Variants in SCFD2 observed in about 807,000 individuals in gnomAD.
The protein encoded by SCFD2 is sec1 family domain-containing protein 2.
SCFD2 carries 54 observed loss-of-function variants against 58.9 expected under a neutral mutation model. The ratio of observed to expected loss-of-function variants is 0.92; its 90% confidence interval spans 0.74 to 1.15. The LOEUF (loss-of-function observed/expected upper bound fraction) is 1.15. Among genes scored for constraint, SCFD2 ranks in the 50% most tolerant of loss-of-function variants. The pLI, the probability that SCFD2 is intolerant of heterozygous loss-of-function variation, is 0.00. For missense variants in SCFD2, 805 were observed against 836.6 expected (o/e 0.96, Z 0.47); for synonymous variants, 321 against 335.9 (o/e 0.96, Z 0.49).
At chr4:52,875,802 C>A (rs1408121575) in intron 8 of SCFD2, among the ~76,000 whole-genome samples, 9 of 61,280 alleles carry the variant, frequency 1.5e-4, no homozygotes, top group Admixed American at 6.4e-4. Context: ...TTATCTTTAA[C>A]TATATATATA....
At chr4:53,292,094 C>A (rs1461026898) in intron 3 of SCFD2, among the ~76,000 whole-genome samples, 3 of 151,612 alleles carry the variant, frequency 2.0e-5, no homozygotes, top group Non-Finnish European at 4.4e-5. Flanking sequence ...ACTATAAAAA[C>A]CCTAGAAGAA....
chr4:53,111,013 A>G (rs1289857205), intron 5 of SCFD2, among the ~76,000 whole-genome samples: 3 of 152,250 alleles, frequency 2.0e-5, no homozygotes, highest in Non-Finnish European at 2.9e-5. Context: ...AGCCATAAAA[A>G]GGATGAGTTC....
At chr4:53,210,708 A>G (rs1479806505) in intron 4 of SCFD2, among the ~76,000 whole-genome samples, 1 of 151,938 alleles carries the variant, frequency 6.6e-6, no homozygotes, top group Non-Finnish European at 1.5e-5. Flanking sequence ...ATTATGACAG[A>G]TATTGATTTT....
intron 7 of SCFD2, among the ~76,000 whole-genome samples, chr4:52,893,589 C>A (rs1718929901): frequency 6.6e-6 from 1 of 152,180 alleles, no homozygotes; most frequent in African/African-American, 2.4e-5. Flanking sequence ...AGGAAAGGCT[C>A]CTAGCATCCA....
At chr4:52,995,123 AAATAACTAT>A (rs1721713068) in intron 5 of SCFD2, among the ~76,000 whole-genome samples, 1 of 152,188 alleles carries the variant, frequency 6.6e-6, no homozygotes, top group Non-Finnish European at 1.5e-5. Flanking sequence ...ATATATAAGG[AAATAACTAT>A]ATAACTTACC....
chr4:53,314,963 C>T (rs1732811508), intron 2 of SCFD2, among the ~76,000 whole-genome samples: 2 of 152,116 alleles, frequency 1.3e-5, no homozygotes, highest in Non-Finnish European at 2.9e-5. Context: ...AGGTAAACTA[C>T]ATGCCAAGCC....
At chr4:53,004,559 C>T (rs368409668) in intron 5 of SCFD2, among the ~76,000 whole-genome samples, 5 of 152,092 alleles carry the variant, frequency 3.3e-5, no homozygotes, top group Non-Finnish European at 7.4e-5. Context: ...AACTAAGGCA[C>T]GTAGATGTTA....
At chr4:53,293,165 G>T (rs1731902218) in intron 3 of SCFD2, among the ~76,000 whole-genome samples, 1 of 152,124 alleles carries the variant, frequency 6.6e-6, no homozygotes, top group South Asian at 2.1e-4. Context: ...GACATGGATG[G>T]AGCTGGAAGA....
chr4:53,305,339 G>C (rs1259427669), intron 3 of SCFD2, among the ~76,000 whole-genome samples: 2 of 151,970 alleles, frequency 1.3e-5, no homozygotes, highest in African/African-American at 4.8e-5. Context: ...GTAACATAAG[G>C]GTTCAATTTC....
rs73141465 is a variant in SCFD2, at chr4:53,062,026, A to C, written c.1561+83307T>G. Among the ~76,000 whole-genome samples, 1,441 of 152,046 alleles carry C rather than the reference A, an allele frequency of 9.5e-3. 23 individuals are homozygous for C. Among genetic ancestry groups the C allele is most frequent in the African/African-American group, 0.033 (1,357 of 41,490 alleles). ...GTAACAAGATGCTATTAGGTGACTT[A>C]AAATATATATAATTATTATTGTAAT... On this transcript the variant is annotated intron_variant, in intron 5 of 8. Coordinates refer to ENST00000401642, the MANE Select transcript of SCFD2 (RefSeq NM_152540.4).
intron 5 of SCFD2, among the ~76,000 whole-genome samples, chr4:52,940,205 G>A (rs1577843705): frequency 6.6e-6 from 1 of 152,196 alleles, no homozygotes; most frequent in South Asian, 2.1e-4. Flanking sequence ...GTGGAAAGGT[G>A]CCTGAGGAAC....
intron 1 of SCFD2, among the ~76,000 whole-genome samples, chr4:53,360,246 G>A (rs549204000): frequency 6.8e-4 from 103 of 152,166 alleles, no homozygotes; most frequent in South Asian, 1.2e-3. Context: ...TGATCATCTG[G>A]AAGATAATCT....
chr4:53,261,563 T>C (rs532845142), intron 4 of SCFD2, among the ~76,000 whole-genome samples: 5 of 152,336 alleles, frequency 3.3e-5, no homozygotes, highest in African/African-American at 1.2e-4. Context: ...CTTCCAATTT[T>C]ATTCCACTGT....
intron 3 of SCFD2, among the ~76,000 whole-genome samples, chr4:53,309,371 G>A (rs927886087): frequency 1.3e-5 from 2 of 152,204 alleles, no homozygotes; most frequent in African/African-American, 2.4e-5. Flanking sequence ...TTATAGGGCT[G>A]ACACTAAGAT....
intron 3 of SCFD2, among the ~76,000 whole-genome samples, chr4:53,302,997 C>G (rs906453444): frequency 6.6e-6 from 1 of 152,038 alleles, no homozygotes; most frequent in Non-Finnish European, 1.5e-5. Flanking sequence ...CCATAAAAAC[C>G]CTAGAAGAAA....
At chr4:53,078,800 T>TA (rs1042089560) in intron 5 of SCFD2, among the ~76,000 whole-genome samples, 11 of 152,082 alleles carry the variant, frequency 7.2e-5, no homozygotes, top group Admixed American at 2.0e-4. Flanking sequence ...ACTAATATAA[T>TA]AAAAAAAATC....
intron 5 of SCFD2, among the ~76,000 whole-genome samples, chr4:53,080,730 G>A (rs1254486334): frequency 6.6e-6 from 1 of 152,124 alleles, no homozygotes; most frequent in Non-Finnish European, 1.5e-5. Context: ...GCAATTAGGA[G>A]ATATGTCAAC....
At chr4:53,234,810 CA>C (rs35982319) in intron 4 of SCFD2, among the ~76,000 whole-genome samples, 6 of 152,266 alleles carry the variant, frequency 3.9e-5, no homozygotes, top group African/African-American at 1.2e-4. Context: ...AATATTGCAA[CA>C]AAAGGTGACC....
At chr4:53,276,698 A>ATC (rs1475754734) in intron 3 of SCFD2, among the ~76,000 whole-genome samples, 6 of 152,134 alleles carry the variant, frequency 3.9e-5, no homozygotes, top group Non-Finnish European at 8.8e-5. Flanking sequence ...TCCCACTTAT[A>ATC]AGTGAGAACA....
Sources: gnomAD v4.1 joint callset for allele counts (sites outside exome capture counted in the v4.1 genomes callset) on GRCh38, gnomAD v4.1.1 for gene constraint, MANE v1.5 for transcripts, NCBI Gene and HGNC (gene_info 2026-07-23, HGNC 2026-07-21) for gene names.